The following ARHGAP22 variants were observed in gnomAD, a reference collection of about 807,000 sequenced individuals.
ARHGAP22 encodes Rho GTPase activating protein 22, also known as rho GTPase-activating protein 22.
In ARHGAP22, 48 loss-of-function variants were observed where a neutral mutation model predicts 59.1. The ratio of observed to expected loss-of-function variants is 0.81; its 90% CI spans 0.64 to 1.03. The LOEUF (loss-of-function observed/expected upper bound fraction) is 1.03, where lower values mean the gene tolerates loss of function less well. Ranked by LOEUF, ARHGAP22 falls within the 50% of genes least tolerant of loss-of-function variation. The pLI is 0.00. For synonymous variants in ARHGAP22, 445 were observed against 416.4 expected, an observed-to-expected ratio of 1.07 and a Z score of -0.84; for missense variants, 1,015 against 958.7, an observed-to-expected ratio of 1.06 and a Z score of -0.78.
chr10:48,577,687 C>T lies in ARHGAP22; in HGVS notation c.234+5266G>A, dbSNP rs537691374. On this transcript the variant is annotated intron_variant, in intron 2 of 9. Coordinates refer to ENST00000249601, the MANE Select transcript of ARHGAP22 (RefSeq NM_021226.4). Reference sequence around the variant, plus strand: ...CCAGAGTCCCCATTATAAAGGGCTCCCTTTTATTCTCAGAGAATACATACA... The same window carrying T: ...CCAGAGTCCCCATTATAAAGGGCTCTCTTTTATTCTCAGAGAATACATACA... 5.9e-5 allele frequency among the ~76,000 whole-genome samples: 7 copies of T among 118,848 alleles called. No homozygotes were observed. The Admixed American group carries it at 5.9e-4, about 10-fold the overall frequency. The allele number at this position is 118,848 out of a possible 152,430, so 78.0% of individuals were successfully genotyped here. A position where few individuals can be genotyped will look rare whatever the true frequency, so the allele number is the denominator to read the frequency against.
chr10:48,450,783 A>C lies in ARHGAP22; in HGVS notation c.1346T>G (p.Leu449Arg). Residue 449 changes from leucine (L) to arginine (R), a missense_variant, in exon 9 of 10, where the codon CTG becomes CGG. By Grantham distance (102) the Leu-to-Arg change is moderately radical. Transcript: ENST00000249601. The part of the protein sequence containing the change: ...SGSPKGGGSS[L>R]EVPIISSGGN... ...GCCGGAGGAGATGATGGGCACCTCCAGGGATGAGCCGCCCCCCTTCGGGCT... is the reference window on the plus strand; with the variant it reads ...GCCGGAGGAGATGATGGGCACCTCCCGGGATGAGCCGCCCCCCTTCGGGCT... 1 of 1,567,892 alleles carries C rather than the reference A, an allele frequency of 6.4e-7. No individual in the cohort carries two copies. The highest frequency in any genetic ancestry group is 8.6e-7 in the Non-Finnish European group (1 of 1,157,292).
chr10:48,459,981 C>G, intron 4 of ARHGAP22, 90 bp from the exon 5 acceptor site: 2 of 1,314,904 alleles, frequency 1.5e-6, no homozygotes, highest in South Asian at 1.4e-5. Context: ...ACTGTTAGGG[C>G]TAAAGGTGGC....
chr10:48,560,317 A>G (rs562331749), intron 2 of ARHGAP22, among the ~76,000 whole-genome samples: 9 of 152,308 alleles, frequency 5.9e-5, no homozygotes, highest in Admixed American at 2.0e-4. Context: ...AAGTCTTCTG[A>G]CCAATGAACA....
intron 2 of ARHGAP22, among the ~76,000 whole-genome samples, chr10:48,565,565 G>A (rs1424137847): frequency 6.6e-6 from 1 of 152,180 alleles, no homozygotes; most frequent in African/African-American, 2.4e-5. Context: ...TTTTATAGGA[G>A]TGGGAATAGA....
upstream of ARHGAP22, among the ~76,000 whole-genome samples, chr10:48,608,899 A>G (rs1446217184): frequency 6.6e-6 from 1 of 152,232 alleles, no homozygotes; most frequent in Non-Finnish European, 1.5e-5. Flanking sequence ...TTTCCAAATC[A>G]TTTTACTACA....
the ARHGAP22 span, among the ~76,000 whole-genome samples, chr10:48,434,513 A>T: frequency 6.6e-6 from 1 of 152,202 alleles, no homozygotes; most frequent in South Asian, 2.1e-4. Context: ...CTCTGTCCAA[A>T]AAAAGGCATT....
chr10:48,492,149 T>C (rs76763538), intron 3 of ARHGAP22, among the ~76,000 whole-genome samples: 2,307 of 152,352 alleles, frequency 0.015, 66 homozygotes, highest in African/African-American at 0.053. Flanking sequence ...TGTGAAAGCA[T>C]TTTGTAAGCT....
intron 7 of ARHGAP22, among the ~76,000 whole-genome samples, chr10:48,453,663 G>A (rs1414846799): frequency 2.0e-5 from 3 of 152,346 alleles, no homozygotes; most frequent in African/African-American, 4.8e-5. Flanking sequence ...TGTGAAAGGA[G>A]GACAAGACTC....
chr10:48,443,686 GAGA>G (rs1233827228), downstream of ARHGAP22: 3 of 152,092 alleles, frequency 2.0e-5, no homozygotes, highest in African/African-American at 7.2e-5. Context: ...GCATCAAAAG[GAGA>G]AGGAGAGAGT....
Position 48,456,917 on chromosome 10 carries a change from C to G in ARHGAP22, c.660-1783G>C, listed in dbSNP as rs555116090. 9.9e-5 allele frequency among the ~76,000 whole-genome samples: 15 copies of G among 152,234 alleles called. No homozygotes were observed. The South Asian group carries it at 3.1e-3, about 32-fold the overall frequency. ...CCCTAAACTGCTGTCCCCTTCCCCC[C>G]TCCAACAAGCACCCAAGGAGAACTC... is the stretch of plus-strand genomic sequence containing the variant. On this transcript the variant is annotated intron_variant, in intron 5 of 9. Transcript: ENST00000249601.
At chr10:48,569,266 A>C (rs186621361) in intron 2 of ARHGAP22, among the ~76,000 whole-genome samples, 97 of 152,318 alleles carry the variant, frequency 6.4e-4, no homozygotes, top group Non-Finnish European at 1.0e-3. Flanking sequence ...CTGCTGAGCC[A>C]ACTGCTGCCA....
chr10:48,568,360 A>C (rs2135459101), intron 2 of ARHGAP22, among the ~76,000 whole-genome samples: 1 of 152,338 alleles, frequency 6.6e-6, no homozygotes, highest in South Asian at 2.1e-4. Context: ...GGGAGTTTGC[A>C]AACGACCCTG....
rs2050629158 is a variant in ARHGAP22, at chr10:48,493,575, C to A, written c.323-13811G>T. On this transcript the variant is annotated intron_variant, in intron 3 of 9. Coordinates refer to ENST00000249601, the MANE Select transcript of ARHGAP22 (RefSeq NM_021226.4). ...GCAGAAAACCACCAGGTGCACGAGG[C>A]ACTCCTCCACTGCAGGGCTGCGGCC... 3 of 1,507,226 alleles carry A rather than the reference C, an allele frequency of 2.0e-6. No individual in the cohort carries two copies. In the African/African-American group the frequency reaches 4.1e-5, roughly 21 times the overall value. 93.4% of individuals were successfully genotyped at this position (1,507,226 alleles called of 1,614,324 possible). A position where few individuals can be genotyped will look rare whatever the true frequency, so the allele number is the denominator to read the frequency against.
At chr10:48,595,464 C>G (rs1174933742) in intron 1 of ARHGAP22, among the ~76,000 whole-genome samples, 1 of 152,168 alleles carries the variant, frequency 6.6e-6, no homozygotes, top group South Asian at 2.1e-4. Context: ...GATTTATTAC[C>G]TAATGGTTCT....
chr10:48,588,885 G>A (rs2059588799), intron 1 of ARHGAP22, among the ~76,000 whole-genome samples: 1 of 152,146 alleles, frequency 6.6e-6, no homozygotes, highest in Non-Finnish European at 1.5e-5. Context: ...GACCTCTGCT[G>A]AGGTCCCTCC....
chr10:48,630,982 A>G (rs2061609768), intron 1 of ARHGAP22, among the ~76,000 whole-genome samples: 1 of 152,262 alleles, frequency 6.6e-6, no homozygotes. Context: ...AGTTTTTATC[A>G]TGAATGAGTG....
At position 48,455,031 on chromosome 10, in the gene ARHGAP22, C is replaced by A. The variant is rs534705917; in HGVS notation, c.763G>T (p.Ala255Ser). 1 of 1,609,684 alleles carries A rather than the reference C, an allele frequency of 6.2e-7. No individual in the cohort carries two copies. The highest frequency in any genetic ancestry group is 1.1e-5 in the South Asian group (1 of 90,608). Residue 255 changes from alanine (A) to serine (S), a missense_variant, in exon 6 of 10, where the codon GCC (alanine) becomes TCC (serine). Coordinates refer to ENST00000249601, the MANE Select transcript of ARHGAP22 (RefSeq NM_021226.4). ...FARYEDFLSC[A>S]QLLTKDEGEG... is the part of the protein sequence containing the mutation. Reference sequence around the variant, plus strand: ...CCCTCGTCCTTGGTGAGCAGCTGGGCGCAGCTGAGGAAGTCCTCGTACCTG... The same window carrying A: ...CCCTCGTCCTTGGTGAGCAGCTGGGAGCAGCTGAGGAAGTCCTCGTACCTG...
intron 3 of ARHGAP22, among the ~76,000 whole-genome samples, chr10:48,499,467 C>A (rs1288553030): frequency 6.6e-6 from 1 of 152,220 alleles, no homozygotes; most frequent in East Asian, 1.9e-4. Flanking sequence ...GAACAGGTGG[C>A]TTCTTCACCT....
intron 4 of ARHGAP22, among the ~76,000 whole-genome samples, chr10:48,464,150 CAT>C (rs1401533123): frequency 6.6e-6 from 1 of 152,184 alleles, no homozygotes; most frequent in South Asian, 2.1e-4. Flanking sequence ...AGGCTGTAAA[CAT>C]ATAAATCTCC....
Sources: allele counts gnomAD v4.1 joint callset (sites outside exome capture counted in the v4.1 genomes callset), GRCh38; gene constraint gnomAD v4.1.1; transcripts MANE v1.5; gene names NCBI Gene and HGNC (gene_info 2026-07-23, HGNC 2026-07-21).